N4BP2L2: variants seen among roughly 807,000 people sequenced by gnomAD.
N4BP2L2 encodes NEDD4-binding protein 2-like 2.
A neutral mutation model predicts 56.2 loss-of-function variants in N4BP2L2; 50 were observed. The observed-to-expected ratio is 0.89, with a 90% confidence interval of 0.71 to 1.13. The LOEUF (loss-of-function observed/expected upper bound fraction) is 1.13, where lower values mean the gene tolerates loss of function less well. N4BP2L2 is among the 50% of genes most tolerant of loss of function. N4BP2L2 has a pLI of 0.00. For synonymous variants in N4BP2L2, 203 were observed against 223.6 expected (o/e 0.91, Z 0.82); for missense variants, 689 against 693.8 (o/e 0.99, Z 0.08).
chr13:32,450,328 ATTTTT>A (rs1255359138), intron 6 of N4BP2L2, among the ~76,000 whole-genome samples: 1 of 144,826 alleles, frequency 6.9e-6, no homozygotes, highest in Admixed American at 6.9e-5. Context: ...ATAAAAAGTG[ATTTTT>A]TTTTTTTTTG....
chr13:32,529,021 C>T (rs1212875525), intron 2 of N4BP2L2, among the ~76,000 whole-genome samples: 1 of 152,168 alleles, frequency 6.6e-6, no homozygotes, highest in Non-Finnish European at 1.5e-5. Flanking sequence ...ATACCTAATA[C>T]TCTACAATGT....
chr13:32,481,150 G>GAAA (rs2084658537), intron 6 of N4BP2L2, among the ~76,000 whole-genome samples: 1 of 90,616 alleles, frequency 1.1e-5, no homozygotes, highest in Non-Finnish European at 2.2e-5. Context: ...AAAAAAAAAG[G>GAAA]ATTGCACTTT....
At chr13:32,518,285 T>C (rs1181062298) in intron 5 of N4BP2L2, among the ~76,000 whole-genome samples, 2 of 152,176 alleles carry the variant, frequency 1.3e-5, no homozygotes, top group Non-Finnish European at 1.5e-5. Flanking sequence ...TATATCCCCT[T>C]GTTAATAACA....
At chr13:32,435,873 T>A (rs987595328) in intron 9 of N4BP2L2, among the ~76,000 whole-genome samples, 2 of 152,246 alleles carry the variant, frequency 1.3e-5, no homozygotes, top group East Asian at 3.8e-4. Context: ...TCGTAGCAGC[T>A]GTGTTTATTT....
At chr13:32,443,267 T>C in exon 7 of N4BP2L2, 1 of 1,613,976 alleles carries the variant, frequency 6.2e-7, no homozygotes, top group Non-Finnish European at 8.5e-7. Flanking sequence ...GCCACCGAAG[T>C]GAAGATCATT....
chr13:32,471,673 A>C (rs2082320331), intron 6 of N4BP2L2, among the ~76,000 whole-genome samples: 1 of 152,248 alleles, frequency 6.6e-6, no homozygotes, highest in Non-Finnish European at 1.5e-5. Context: ...TGGGAGTGGC[A>C]GGAGCTGCAG....
rs957923152 is a variant in N4BP2L2 at position 32,480,736 on chromosome 13, T to A, written c.366-36610A>T. ...ATCCACAACTGTGCTACTACTATTT[T>A]CATTTTATAGACTGAAGAACTCATA... On this transcript the variant is annotated intron_variant, in intron 6 of 9. Coordinates refer to the N4BP2L2 transcript ENST00000357505. The A allele has an allele frequency of 1.1e-5, 7 of 614,158 alleles. No homozygotes were observed. The Admixed American group carries it at 1.5e-4, about 13-fold the overall frequency. The allele number at this position is 614,158 out of a possible 1,614,324, so 38.0% of individuals were successfully genotyped here. A position where few individuals can be genotyped will look rare whatever the true frequency, so the allele number is the denominator to read the frequency against.
chr13:32,442,661 C>T (rs2076551915), exon 7 of N4BP2L2: 26 of 1,613,774 alleles, frequency 1.6e-5, no homozygotes, highest in Non-Finnish European at 2.0e-5. Context: ...TTATTACCTA[C>T]TCTTGTCTGA....
chr13:32,467,685 T>C (rs1181490878), intron 6 of N4BP2L2, among the ~76,000 whole-genome samples: 1 of 151,688 alleles, frequency 6.6e-6, no homozygotes, highest in Non-Finnish European at 1.5e-5. Flanking sequence ...TTGAGGGCTA[T>C]AGTAAATTGA....
At chr13:32,508,388 A>C (rs1229130106), downstream of N4BP2L2, 1 of 152,186 alleles carries the variant, frequency 6.6e-6, no homozygotes, top group African/African-American at 2.4e-5. Flanking sequence ...GGTTGAAGTT[A>C]GAGAGAAGGA....
At chr13:32,442,550 T>C in exon 7 of N4BP2L2, 1 of 1,613,864 alleles carries the variant, frequency 6.2e-7, no homozygotes, top group Non-Finnish European at 8.5e-7. Flanking sequence ...CTATCAAACC[T>C]TTCATTTAAA....
At chr13:32,526,986 C>T (rs917928646) in intron 3 of N4BP2L2, 14 of 152,236 alleles carry the variant, frequency 9.2e-5, no homozygotes, top group African/African-American at 2.9e-4. Flanking sequence ...ATGAGAAAAA[C>T]TTTTAATATT....
Position 32,537,032 on chromosome 13 carries a change from GAAAT to G in N4BP2L2, c.1-9_1-6del. On this transcript the variant is annotated splice_region_variant and splice_polypyrimidine_tract_variant and intron_variant, in intron 1 of 5. Transcript: ENST00000267068. The stretch of plus-strand genomic sequence containing the variant: ...TTCAATTTCACCATAAGACATCTGA[GAAAT>G]AAATAAATCATACAATTACTAGCTA... 6.7e-7 allele frequency: 1 copy of G among 1,495,900 alleles called. No individual in the cohort carries two copies. Among genetic ancestry groups the G allele is most frequent in the Non-Finnish European group, 8.9e-7 (1 of 1,118,878 alleles). 92.7% of individuals were successfully genotyped at this position (1,495,900 alleles called of 1,614,324 possible).
At chr13:32,503,030 G>A (rs1435249132) in intron 6 of N4BP2L2, among the ~76,000 whole-genome samples, 3 of 151,746 alleles carry the variant, frequency 2.0e-5, no homozygotes, top group South Asian at 2.1e-4. Context: ...AAAATTAGTC[G>A]GGCGTGGTGG....
chr13:32,442,596 AG>A lies in N4BP2L2; in HGVS notation c.1895del (p.Thr632IlefsTer14). ...CAGAAGTGACTCCCAAAGAGCACGAAGTATCAGGATGACTATGTAAAATTTC... is the reference window on the plus strand; with the variant it reads ...CAGAAGTGACTCCCAAAGAGCACGAATATCAGGATGACTATGTAAAATTTC... On this transcript the variant is annotated frameshift_variant, in exon 7 of 10. Transcript: ENST00000357505. LOFTEE classifies it high-confidence loss of function. 6.2e-7 allele frequency: 1 copy of A among 1,613,976 alleles called. No homozygotes were observed. The highest frequency in any genetic ancestry group is 1.1e-5 in the South Asian group (1 of 91,070).
At chr13:32,463,918 C>CAAAAAAAAAAAA (rs58685358) in intron 6 of N4BP2L2, among the ~76,000 whole-genome samples, 25 of 64,102 alleles carry the variant, frequency 3.9e-4, no homozygotes, top group Admixed American at 1.6e-3. Context: ...TGCCCATGAC[C>CAAAAAAAAAAAA]AAAAAAAAAA....
At chr13:32,438,741 TG>T (rs2075817442) in intron 7 of N4BP2L2, 1 of 1,599,264 alleles carries the variant, frequency 6.3e-7, no homozygotes, top group African/African-American at 1.3e-5. Context: ...AAGGATTCTG[TG>T]AAAGAAAGAA....
chr13:32,521,359 T>C lies in N4BP2L2; in HGVS notation c.1550+14A>G, dbSNP rs374876525. 3.6e-5 allele frequency: 57 copies of C among 1,565,398 alleles called. No individual in the cohort carries two copies. Among genetic ancestry groups the C allele is most frequent in the Non-Finnish European group, 5.0e-5 (57 of 1,142,172 alleles). ...AGAAAAGTTAAGGATTCAATAAAAATTCGAGTGTCTTACTTTTCTAATTCT... is the reference window on the plus strand; with the variant it reads ...AGAAAAGTTAAGGATTCAATAAAAACTCGAGTGTCTTACTTTTCTAATTCT... On this transcript the variant is annotated intron_variant, in intron 5 of 5. Coordinates refer to ENST00000267068, the Ensembl canonical transcript of N4BP2L2.
intron 2 of N4BP2L2, among the ~76,000 whole-genome samples, chr13:32,530,731 G>A (rs1396019541): frequency 2.0e-5 from 3 of 151,956 alleles, no homozygotes; most frequent in Admixed American, 6.6e-5. Context: ...CTAAGATAAA[G>A]CACCTCCTTG....
Sources: gnomAD v4.1 joint callset for allele counts (sites outside exome capture counted in the v4.1 genomes callset) on GRCh38, gnomAD v4.1.1 for gene constraint, MANE v1.5 for transcripts, NCBI Gene and HGNC (gene_info 2026-07-23, HGNC 2026-07-21) for gene names.